Variants in DNAI1 observed in about 807,000 individuals in gnomAD.
DNAI1 encodes dynein axonemal intermediate chain 1.
DNAI1 carries 67 observed loss-of-function variants against 92.0 expected under a neutral mutation model. The ratio of observed to expected loss-of-function variants is 0.73; its 90% CI spans 0.60 to 0.89. DNAI1 has a LOEUF of 0.89. DNAI1 is among the 40% of genes least tolerant of loss of function. The probability of loss-of-function intolerance (pLI) is 0.00; values close to 1 mark genes in which losing one functional copy is unlikely to be tolerated. For missense variants in DNAI1, 839 were observed against 866.6 expected (o/e 0.97, Z 0.40); for synonymous variants, 323 against 319.6 (o/e 1.01, Z -0.11).
chr9:34,512,135 CCAAAACCTTAACTTCTTCT>C lies in DNAI1; in HGVS notation c.1340_1358del (p.Gln447LeufsTer14). ...TCAAGTGGCAGAAGGATGACATGGA[CCAAAACCTTAACTTCTTCT>C]CTGTGTCATCTGACGGCAGGATTGT... is the stretch of plus-strand genomic sequence containing the variant. On this transcript the variant is annotated frameshift_variant, in exon 14 of 20. Transcript: ENST00000242317. LOFTEE classifies it high-confidence loss of function. The C allele has an allele frequency of 6.2e-7, 1 of 1,614,124 alleles. No homozygotes were observed. Among genetic ancestry groups the C allele is most frequent in the African/African-American group, 1.3e-5 (1 of 75,024 alleles).
chr9:34,475,434 C>T (rs984315062), intron 1 of DNAI1, among the ~76,000 whole-genome samples: 1 of 152,198 alleles, frequency 6.6e-6, no homozygotes, highest in Non-Finnish European at 1.5e-5. Flanking sequence ...CTGCTGAAAT[C>T]TAGTCATCCC....
At chr9:34,460,281 C>G (rs889965417) in intron 1 of DNAI1, among the ~76,000 whole-genome samples, 6 of 152,192 alleles carry the variant, frequency 3.9e-5, no homozygotes, top group African/African-American at 1.4e-4. Context: ...TTTTCCAAAC[C>G]CTTTATGAAT....
intron 13 of DNAI1, among the ~76,000 whole-genome samples, chr9:34,510,581 C>T (rs1176797454): frequency 6.6e-6 from 1 of 152,124 alleles, no homozygotes; most frequent in Non-Finnish European, 1.5e-5. Context: ...TCACCTCCAC[C>T]CCAGGAGCAT....
chr9:34,473,953 C>A (rs1824190124), intron 1 of DNAI1, among the ~76,000 whole-genome samples: 1 of 152,062 alleles, frequency 6.6e-6, no homozygotes, highest in Non-Finnish European at 1.5e-5. Flanking sequence ...GTCTCGAACT[C>A]CTGGACTCAA....
chr9:34,499,976 G>A (rs1351715901), intron 10 of DNAI1, among the ~76,000 whole-genome samples: 1 of 152,236 alleles, frequency 6.6e-6, no homozygotes, highest in Non-Finnish European at 1.5e-5. Flanking sequence ...TAGGAGACCA[G>A]TTAGAGGGAT....
At chr9:34,465,539 A>C (rs1824022454) in intron 1 of DNAI1, among the ~76,000 whole-genome samples, 1 of 152,240 alleles carries the variant, frequency 6.6e-6, no homozygotes, top group Non-Finnish European at 1.5e-5. Context: ...TGCTATTTTC[A>C]GAGTTATGGT....
Position 34,478,177 on chromosome 9 carries a change from G to T in DNAI1, c.49-5271G>T, listed in dbSNP as rs1824275469. Among the ~76,000 whole-genome samples the T allele has an allele frequency of 2.0e-5, 3 of 152,116 alleles. No homozygotes were observed. In the South Asian group the frequency reaches 6.2e-4, roughly 31 times the overall value. ...GCTGGTATTACAGGCGTGAGCCACA[G>T]TGCCTGGCCACGAGAACTTGTCTCA... On this transcript the variant is annotated intron_variant, in intron 1 of 19. Transcript: ENST00000242317.
intron 12 of DNAI1, among the ~76,000 whole-genome samples, chr9:34,505,360 G>C (rs1824905377): frequency 6.6e-6 from 1 of 151,930 alleles, no homozygotes; most frequent in African/African-American, 2.4e-5. Context: ...CTCCTTCCCT[G>C]ACTCTCCTGC....
intron 1 of DNAI1, among the ~76,000 whole-genome samples, chr9:34,462,920 T>G (rs1389730606): frequency 6.6e-6 from 1 of 152,234 alleles, no homozygotes; most frequent in Non-Finnish European, 1.5e-5. Flanking sequence ...AAATCCCTGC[T>G]CTCATGGAGC....
At chr9:34,507,514 G>C (rs1254717094) in intron 13 of DNAI1, among the ~76,000 whole-genome samples, 1 of 152,162 alleles carries the variant, frequency 6.6e-6, no homozygotes, top group African/African-American at 2.4e-5. Context: ...TCTTCACATT[G>C]AGGAGGCTGA....
At chr9:34,511,425 AG>A (rs1226377751) in intron 13 of DNAI1, among the ~76,000 whole-genome samples, 2 of 152,134 alleles carry the variant, frequency 1.3e-5, no homozygotes, top group African/African-American at 2.4e-5. Context: ...TTAGTAGCAA[AG>A]GAAAGGTGGG....
At chr9:34,492,495 T>G (rs116919944) in intron 8 of DNAI1, among the ~76,000 whole-genome samples, 801 of 18,804 alleles carry the variant, frequency 0.043, 24 homozygotes, top group East Asian at 0.34. Flanking sequence ...GATATGAAGA[T>G]ATATATATAT....
At chr9:34,477,239 G>A (rs1824256435) in intron 1 of DNAI1, among the ~76,000 whole-genome samples, 1 of 152,096 alleles carries the variant, frequency 6.6e-6, no homozygotes, top group Non-Finnish European at 1.5e-5. Context: ...GGCTGGTCTT[G>A]AACTCTTGGA....
intron 1 of DNAI1, among the ~76,000 whole-genome samples, chr9:34,473,207 A>AATTGTATAT (rs1256269696): frequency 2.0e-5 from 3 of 151,694 alleles, no homozygotes; most frequent in African/African-American, 7.2e-5. Flanking sequence ...TAATTGACAA[A>AATTGTATAT]ATTGTATATT....
chr9:34,516,746 T>TC lies in DNAI1; in HGVS notation c.1819-539_1819-538insC, dbSNP rs1242506495. On this transcript the variant is annotated intron_variant, in intron 18 of 19. Coordinates refer to ENST00000242317, the MANE Select transcript of DNAI1 (RefSeq NM_012144.4). ...TAGCTGCTATTTTCTTTTCTTTTCTTTTTTTTTTTTTTTGAGACAAGATCT... is the reference window on the plus strand; with the variant it reads ...TAGCTGCTATTTTCTTTTCTTTTCTTCTTTTTTTTTTTTTGAGACAAGATCT... Among the ~76,000 whole-genome samples the TC allele has an allele frequency of 1.5e-4, 21 of 144,144 alleles. No individual in the cohort carries two copies. In the East Asian group the frequency reaches 3.9e-3, roughly 27 times the overall value. 94.6% of individuals were successfully genotyped at this position (144,144 alleles called of 152,430 possible).
chr9:34,492,517 T>TATCTATATATATATATAGATATAG (rs1824628050), intron 8 of DNAI1, among the ~76,000 whole-genome samples: 1 of 122,722 alleles, frequency 8.1e-6, no homozygotes, highest in African/African-American at 2.9e-5. Flanking sequence ...TATATATATA[T>TATCTATATATATATATAGATATAG]ATATATATAT....
At position 34,491,630 on chromosome 9, in the gene DNAI1, A is replaced by G; in HGVS notation, c.681+76A>G. 3 of 1,529,070 alleles carry G rather than the reference A, an allele frequency of 2.0e-6. No individual in the cohort carries two copies. The South Asian group carries it at 3.4e-5, about 17-fold the overall frequency. 94.7% of individuals were successfully genotyped at this position (1,529,070 alleles called of 1,614,324 possible). On this transcript the variant is annotated intron_variant, in intron 8 of 19. Transcript: ENST00000242317. ...CTTTCCTCATTTAGCAGCAAAGGCAACACTGGGTCAAGGGCTCCTCTGGCA... is the reference window on the plus strand; with the variant it reads ...CTTTCCTCATTTAGCAGCAAAGGCAGCACTGGGTCAAGGGCTCCTCTGGCA...
Position 34,512,182 on chromosome 9 carries a change from C to T in DNAI1, c.1385C>T (p.Ser462Phe), listed in dbSNP as rs575409331. 1 of 1,614,172 alleles carries T rather than the reference C, an allele frequency of 6.2e-7. No homozygotes were observed. Among genetic ancestry groups the T allele is most frequent in the South Asian group, 1.1e-5 (1 of 91,078 alleles). Reference sequence around the variant, plus strand: ...GTGTCATCTGACGGCAGGATTGTGTCTTGGACTCTCGTGAAGGTGCCTATT... The same window carrying T: ...GTGTCATCTGACGGCAGGATTGTGTTTTGGACTCTCGTGAAGGTGCCTATT... ...FSVSSDGRIV[S>F]WTLVKRKLVH... The change falls in exon 14 of 20, where the codon TCT (serine) becomes TTT (phenylalanine). Residue 462 changes from serine to phenylalanine, a missense_variant. Transcript: ENST00000242317.
intron 19 of DNAI1, among the ~76,000 whole-genome samples, chr9:34,520,089 TCTTGACACTCTTCCC>T (rs1281475454): frequency 6.6e-6 from 1 of 152,138 alleles, no homozygotes; most frequent in African/African-American, 2.4e-5. Context: ...CTTATGGGTC[TCTTGACACTCTTCCC>T]AACCCTGGGT....
Sources: allele counts gnomAD v4.1 joint callset (sites outside exome capture counted in the v4.1 genomes callset), GRCh38; gene constraint gnomAD v4.1.1; transcripts MANE v1.5; gene names NCBI Gene and HGNC (gene_info 2026-07-23, HGNC 2026-07-21).